Variants in RSRC1 observed in about 807,000 individuals in gnomAD.
RSRC1 encodes arginine and serine rich coiled-coil 1.
RSRC1 carries 39 observed loss-of-function variants against 49.1 expected under a neutral mutation model. The ratio of observed to expected loss-of-function variants is 0.79; its 90% CI spans 0.61 to 1.04. The LOEUF (loss-of-function observed/expected upper bound fraction) is 1.04. Ranked by LOEUF, RSRC1 falls within the 50% of genes least tolerant of loss-of-function variation. RSRC1 has a pLI of 0.00. For synonymous variants in RSRC1, 143 were observed against 130.8 expected (o/e 1.09, Z -0.63); for missense variants, 388 against 402.4 (o/e 0.96, Z 0.31).
intron 5 of RSRC1, among the ~76,000 whole-genome samples, chr3:158,349,418 G>A (rs1338600539): frequency 6.6e-6 from 1 of 151,874 alleles, no homozygotes; most frequent in Non-Finnish European, 1.5e-5. Context: ...AGTTTTTAAT[G>A]GGACCGTTTG....
chr3:158,229,298 ATG>A (rs1722784782), intron 4 of RSRC1, among the ~76,000 whole-genome samples: 1 of 150,630 alleles, frequency 6.6e-6, no homozygotes, highest in Non-Finnish European at 1.5e-5. Flanking sequence ...ACACACGTAT[ATG>A]TGTATGTATG....
At chr3:158,508,668 C>T (rs1306509748) in intron 7 of RSRC1, among the ~76,000 whole-genome samples, 1 of 152,160 alleles carries the variant, frequency 6.6e-6, no homozygotes, top group African/African-American at 2.4e-5. Flanking sequence ...GATGAAATCT[C>T]ACACCATCAC....
intron 6 of RSRC1, among the ~76,000 whole-genome samples, chr3:158,431,469 G>T (rs1440278240): frequency 6.6e-6 from 1 of 151,626 alleles, no homozygotes; most frequent in African/African-American, 2.4e-5. Context: ...CATTTATTCT[G>T]CCTATTTTTA....
chr3:158,176,207 G>A (rs375007349), intron 3 of RSRC1, among the ~76,000 whole-genome samples: 12 of 152,216 alleles, frequency 7.9e-5, no homozygotes, highest in East Asian at 5.8e-4. Context: ...AATCAATATC[G>A]TGAAAATGGC....
intron 4 of RSRC1, chr3:158,275,937 C>T: frequency 1.4e-6 from 1 of 729,462 alleles, no homozygotes. Context: ...GATGTGAGCC[C>T]ACACATTTCC....
At chr3:158,191,525 A>G (rs568679623) in intron 3 of RSRC1, among the ~76,000 whole-genome samples, 13 of 152,000 alleles carry the variant, frequency 8.6e-5, no homozygotes, top group Non-Finnish European at 1.5e-4. Context: ...CATTTTATGT[A>G]GAGATGTTGC....
intron 5 of RSRC1, among the ~76,000 whole-genome samples, chr3:158,352,861 A>G (rs1413196942): frequency 1.3e-5 from 2 of 152,300 alleles, no homozygotes; most frequent in East Asian, 3.9e-4. Context: ...GTCATTTGCC[A>G]TTTATCATCA....
chr3:158,122,429 C>CTTCA, intron 2 of RSRC1, 131 bp downstream of exon 2: 1 of 677,168 alleles, frequency 1.5e-6, no homozygotes, highest in East Asian at 3.3e-5. Flanking sequence ...AGTCCCAACC[C>CTTCA]AGAGTTTTTT....
At chr3:158,153,385 T>A (rs1220978888) in intron 3 of RSRC1, among the ~76,000 whole-genome samples, 1 of 152,188 alleles carries the variant, frequency 6.6e-6, no homozygotes. Flanking sequence ...TGAACTATTT[T>A]AAAATTTTTC....
intron 4 of RSRC1, among the ~76,000 whole-genome samples, chr3:158,237,176 T>C (rs1187465284): frequency 1.3e-5 from 2 of 152,224 alleles, no homozygotes; most frequent in Admixed American, 6.5e-5. Context: ...ACTTTGAGGC[T>C]ATTATGACAA....
At chr3:158,207,706 T>TA (rs1194628266) in intron 4 of RSRC1, among the ~76,000 whole-genome samples, 2 of 133,720 alleles carry the variant, frequency 1.5e-5, no homozygotes, top group African/African-American at 5.4e-5. Context: ...AGTATATATT[T>TA]ATAAAGCACA....
At chr3:158,210,181 C>T (rs1466035680) in intron 4 of RSRC1, among the ~76,000 whole-genome samples, 11 of 151,994 alleles carry the variant, frequency 7.2e-5, no homozygotes, top group Non-Finnish European at 1.0e-4. Context: ...TTCTGTGGTG[C>T]AGAGCATGCT....
chr3:158,309,143 TA>T (rs1219745468), intron 5 of RSRC1, among the ~76,000 whole-genome samples: 3 of 151,916 alleles, frequency 2.0e-5, no homozygotes, highest in Non-Finnish European at 4.4e-5. Context: ...AAATAACATT[TA>T]GGCAATATAA....
rs140153726 is a variant in RSRC1, at chr3:158,346,901, A to G, written c.532-7956A>G. Among the ~76,000 whole-genome samples the G allele has an allele frequency of 1.7e-3, 253 of 152,364 alleles. 1 individual carries two copies. The highest frequency in any genetic ancestry group is 5.8e-3 in the African/African-American group (240 of 41,588). Reference sequence around the variant, plus strand: ...GTTGAATGCATAAAGAAATTAGGGTATATCCTTACAGTGGAATACTACCCA... The same window carrying G: ...GTTGAATGCATAAAGAAATTAGGGTGTATCCTTACAGTGGAATACTACCCA... On this transcript the variant is annotated intron_variant, in intron 5 of 9. Transcript: ENST00000611884.
At position 158,262,276 on chromosome 3, in the gene RSRC1, A is replaced by G. The variant is rs1318898491; in HGVS notation, c.495-35763A>G. ...CATTTTAAGTTTGACATTTAGGTCT[A>G]TGGTTTATTTGAGGTAGTTTTGAGT... On this transcript the variant is annotated intron_variant, in intron 4 of 9. Transcript: ENST00000611884. Among the ~76,000 whole-genome samples, 5 of 152,294 alleles carry G rather than the reference A, an allele frequency of 3.3e-5. No homozygotes were observed. The East Asian group carries it at 5.8e-4, about 18-fold the overall frequency.
intron 3 of RSRC1, among the ~76,000 whole-genome samples, chr3:158,176,834 A>G (rs1719251654): frequency 6.6e-6 from 1 of 152,212 alleles, no homozygotes; most frequent in Non-Finnish European, 1.5e-5. Context: ...ACGGCAAAAG[A>G]AACTACCATT....
chr3:158,365,243 G>T (rs999544825), intron 6 of RSRC1, among the ~76,000 whole-genome samples: 1 of 152,092 alleles, frequency 6.6e-6, no homozygotes, highest in Non-Finnish European at 1.5e-5. Context: ...GTGGTTTGCT[G>T]TACCCATCAA....
intron 3 of RSRC1, among the ~76,000 whole-genome samples, chr3:158,145,060 AT>A (rs1203494382): frequency 2.6e-5 from 4 of 151,988 alleles, no homozygotes; most frequent in African/African-American, 9.7e-5. Flanking sequence ...GATTGCAAAC[AT>A]TTTCTCCCAT....
intron 7 of RSRC1, among the ~76,000 whole-genome samples, chr3:158,475,732 C>CAA (rs1738338603): frequency 6.6e-6 from 1 of 152,086 alleles, no homozygotes; most frequent in Non-Finnish European, 1.5e-5. Flanking sequence ...TCCTCTCTCT[C>CAA]TCTCTCTCTC....
Sources: gnomAD v4.1 joint callset for allele counts (sites outside exome capture counted in the v4.1 genomes callset) on GRCh38, gnomAD v4.1.1 for gene constraint, MANE v1.5 for transcripts, NCBI Gene and HGNC (gene_info 2026-07-23, HGNC 2026-07-21) for gene names.